The following ALPK2 variants were observed in gnomAD, a reference collection of about 807,000 sequenced individuals.
The protein encoded by ALPK2 is alpha-protein kinase 2.
Under a neutral mutation model 163.1 loss-of-function variants are expected in ALPK2, and 127 were observed. The ratio of observed to expected loss-of-function variants is 0.78; its 90% confidence interval spans 0.67 to 0.90. The LOEUF (loss-of-function observed/expected upper bound fraction) is 0.90. Ranked by LOEUF, ALPK2 falls within the 40% of genes least tolerant of loss-of-function variation. ALPK2 has a pLI of 0.00. For synonymous variants in ALPK2, 953 were observed against 959.1 expected (o/e 0.99, Z 0.12); for missense variants, 2,360 against 2,589.6 (o/e 0.91, Z 1.92).
chr18:58,611,508 T>C (rs1055716873), intron 2 of ALPK2, among the ~76,000 whole-genome samples, 181 bp downstream of exon 2: 6 of 152,046 alleles, frequency 3.9e-5, no homozygotes, highest in Non-Finnish European at 8.8e-5. Flanking sequence ...GTCCAGGAAG[T>C]CACTCAAAGA....
chr18:58,572,743 A>G (rs186621082), intron 4 of ALPK2, among the ~76,000 whole-genome samples: 21 of 152,328 alleles, frequency 1.4e-4, no homozygotes, highest in African/African-American at 4.1e-4. Flanking sequence ...ATGCATGGTT[A>G]TTAAGGGTAA....
At chr18:58,550,669 A>G in intron 4 of ALPK2, among the ~76,000 whole-genome samples, 4 of 150,804 alleles carry the variant, frequency 2.7e-5, no homozygotes, top group Admixed American at 6.6e-5. Flanking sequence ...CATCATGTAC[A>G]ACCCCATCCC....
At position 58,534,888 on chromosome 18, in the gene ALPK2, G is replaced by C; in HGVS notation, c.5299C>G (p.His1767Asp). Residue 1767 changes from histidine to aspartate, a missense_variant, in exon 5 of 13, where the codon CAC (histidine) becomes GAC (aspartate). Transcript: ENST00000361673. ...TTTGGGTCTTGTTTCTCTTCTGTGT[G>C]TGATAATGATGTTTCGAGTTTGGGC... ...KMPKLETSLS[H>D]TEEKQDPKKP... is the part of the protein sequence containing the mutation. 6.2e-7 allele frequency: 1 copy of C among 1,613,912 alleles called. No individual in the cohort carries two copies. The highest frequency in any genetic ancestry group is 2.2e-5 in the East Asian group (1 of 44,890).
intron 1 of ALPK2, among the ~76,000 whole-genome samples, chr18:58,625,730 G>A (rs1232804138): frequency 6.6e-6 from 1 of 152,252 alleles, no homozygotes; most frequent in African/African-American, 2.4e-5. Context: ...AAGGTGGGCT[G>A]TGCAGCCAGG....
chr18:58,525,826 G>GCAGTAGTATTAGTGGGGAA, intron 6 of ALPK2, among the ~76,000 whole-genome samples: 1 of 152,170 alleles, frequency 6.6e-6, no homozygotes. Flanking sequence ...TTCGTGGTGA[G>GCAGTAGTATTAGTGGGGAA]CAGTAGTATT....
At position 58,522,779 on chromosome 18, in the gene ALPK2, G is replaced by A. The variant is rs1044446975; in HGVS notation, c.5665+1027C>T. ...AGTCAAATCCAAACTCCCCCTCTACGTGTTCCCCAAAACTCCACTGCTACA... is the reference window on the plus strand; with the variant it reads ...AGTCAAATCCAAACTCCCCCTCTACATGTTCCCCAAAACTCCACTGCTACA... On this transcript the variant is annotated intron_variant, in intron 8 of 12. Coordinates refer to ENST00000361673, the MANE Select transcript of ALPK2 (RefSeq NM_052947.4). Among the ~76,000 whole-genome samples, 4 of 152,190 alleles carry A rather than the reference G, an allele frequency of 2.6e-5. No homozygotes were observed. The East Asian group carries it at 5.8e-4, about 22-fold the overall frequency.
chr18:58,516,900 G>A lies in ALPK2; in HGVS notation c.5940+8C>T, dbSNP rs765406636. On this transcript the variant is annotated splice_region_variant and intron_variant, in intron 9 of 12. Coordinates refer to ENST00000361673, the MANE Select transcript of ALPK2 (RefSeq NM_052947.4). ...CAGAAGTGACAGCCTTTGGGCAGAT[G>A]GACCCACCTGGGCAGCGAGTTTGTA... The A allele has an allele frequency of 1.9e-6, 3 of 1,610,340 alleles. No individual in the cohort carries two copies. The East Asian group carries it at 6.7e-5, about 36-fold the overall frequency.
At chr18:58,505,210 T>A (rs1428055189) in intron 10 of ALPK2, among the ~76,000 whole-genome samples, 1 of 152,124 alleles carries the variant, frequency 6.6e-6, no homozygotes, top group East Asian at 1.9e-4. Flanking sequence ...TCCAGGGAGC[T>A]GGAGCGGTGA....
rs147746754 is a variant in ALPK2, at chr18:58,535,900, G to A, written c.4287C>T (p.Gly1429=). ...KPEPSETTPQ[G]AREGGQSNDG... ...CATTTGATTGACCCCCTTCTCTGGCGCCCTGTGGTGTGGTTTCAGAGGGCT... is the reference window on the plus strand; with the variant it reads ...CATTTGATTGACCCCCTTCTCTGGCACCCTGTGGTGTGGTTTCAGAGGGCT... Residue 1429 remains glycine, a synonymous_variant, in exon 5 of 13, where the codon GGC becomes GGT. Transcript: ENST00000361673. 2.5e-5 allele frequency: 40 copies of A among 1,614,154 alleles called. 1 individual carries two copies. The highest frequency in any genetic ancestry group is 1.2e-4 in the Admixed American group (7 of 60,030).
intron 3 of ALPK2, among the ~76,000 whole-genome samples, chr18:58,597,090 C>A (rs911912077): frequency 8.5e-5 from 13 of 152,134 alleles, no homozygotes; most frequent in Non-Finnish European, 2.9e-5. Context: ...GAGTTTGAGA[C>A]CAGCCTGGGC....
chr18:58,524,803 A>G (rs758547013), intron 6 of ALPK2, among the ~76,000 whole-genome samples: 12 of 152,206 alleles, frequency 7.9e-5, no homozygotes, highest in Non-Finnish European at 1.3e-4. Context: ...AAACTGAGGC[A>G]TAGAAAAATT....
rs988814316 is a variant in ALPK2, at chr18:58,536,318, G to A, written c.3869C>T (p.Pro1290Leu). The A allele has an allele frequency of 9.3e-6, 15 of 1,614,084 alleles. No individual in the cohort carries two copies. Among genetic ancestry groups the A allele is most frequent in the African/African-American group, 2.7e-5 (2 of 74,928 alleles). The change falls in exon 5 of 13, where the codon CCC (proline) becomes CTC (leucine). Residue 1290 changes from proline (P) to leucine (L), a missense_variant. Pro to Leu is a moderately conservative substitution (Grantham distance 98). Transcript: ENST00000361673. The stretch of plus-strand genomic sequence containing the variant: ...GTGAGCCAATGCTGCTATTTCAGAG[G>A]GGGCCAATTCAGGCACAACAGCATC... ...KADAVVPELA[P>L]SEIAALAHSP...
chr18:58,572,211 A>C (rs1250959905), intron 4 of ALPK2, among the ~76,000 whole-genome samples: 2 of 152,232 alleles, frequency 1.3e-5, no homozygotes, highest in African/African-American at 4.8e-5. Flanking sequence ...CACCACACAC[A>C]TATCAGAAAG....
intron 1 of ALPK2, among the ~76,000 whole-genome samples, chr18:58,622,340 C>CT (rs1204036491): frequency 6.6e-6 from 1 of 152,116 alleles, no homozygotes; most frequent in Non-Finnish European, 1.5e-5. Flanking sequence ...CAGCAAGACT[C>CT]TGTCTCAAAA....
chr18:58,546,158 G>A (rs12456021), intron 4 of ALPK2, among the ~76,000 whole-genome samples: 24,883 of 152,114 alleles, frequency 0.16, 2,423 homozygotes, highest in East Asian at 0.32. Flanking sequence ...TAACTTCCTT[G>A]ATATTCATCT....
At chr18:58,592,778 C>T (rs527368604) in intron 3 of ALPK2, among the ~76,000 whole-genome samples, 4 of 152,310 alleles carry the variant, frequency 2.6e-5, no homozygotes, top group East Asian at 1.9e-4. Context: ...GACTTAGCAG[C>T]GAATGTGCCT....
intron 4 of ALPK2, among the ~76,000 whole-genome samples, chr18:58,571,998 A>AG (rs1907411475): frequency 7.6e-6 from 1 of 131,238 alleles, no homozygotes; most frequent in South Asian, 2.5e-4. Flanking sequence ...AAAAAAAAAA[A>AG]GGTGTGTAAA....
At chr18:58,547,236 A>T (rs1362624504) in intron 4 of ALPK2, among the ~76,000 whole-genome samples, 1 of 152,072 alleles carries the variant, frequency 6.6e-6, no homozygotes, top group Non-Finnish European at 1.5e-5. Flanking sequence ...GGTTCCGTGG[A>T]CTCCTATGGC....
Position 58,523,803 on chromosome 18 carries a change from T to TA in ALPK2, c.5665+2dup, listed in dbSNP as rs2051568915. ...TCTGGCAGGTCAACCCTAACTGACT[T>TA]ACCTTTAGTATCCTGGCGACTTGAC... On this transcript the variant is annotated splice_region_variant and intron_variant, in intron 8 of 12. Coordinates refer to ENST00000361673, the MANE Select transcript of ALPK2 (RefSeq NM_052947.4). 2 of 1,614,222 alleles carry TA rather than the reference T, an allele frequency of 1.2e-6. No homozygotes were observed. Among genetic ancestry groups the TA allele is most frequent in the South Asian group, 1.1e-5 (1 of 91,084 alleles).
Sources: allele counts gnomAD v4.1 joint callset (sites outside exome capture counted in the v4.1 genomes callset), GRCh38; gene constraint gnomAD v4.1.1; transcripts MANE v1.5; gene names NCBI Gene and HGNC (gene_info 2026-07-23, HGNC 2026-07-21).